Variants in TPRG1 observed in about 807,000 individuals in gnomAD.
TPRG1 encodes tumor protein p63-regulated gene 1 protein.
A neutral mutation model predicts 29.3 loss-of-function variants in TPRG1; 29 were observed. The observed-to-expected ratio is 0.99, with a 90% confidence interval of 0.74 to 1.35. The LOEUF is 1.35. Ranked by LOEUF, TPRG1 falls within the 40% of genes most tolerant of loss-of-function variation. The pLI is 0.00. For missense variants in TPRG1, 327 were observed against 335.0 expected, an observed-to-expected ratio of 0.98 and a Z score of 0.19; for synonymous variants, 130 against 116.8, an observed-to-expected ratio of 1.11 and a Z score of -0.73.
At chr3:189,037,263 A>G (rs1401126177) in intron 4 of TPRG1, among the ~76,000 whole-genome samples, 1 of 151,846 alleles carries the variant, frequency 6.6e-6, no homozygotes, top group Non-Finnish European at 1.5e-5. Context: ...ATCACACACT[A>G]AAATATTATT....
intron 3 of TPRG1, among the ~76,000 whole-genome samples, chr3:189,219,243 A>C (rs1218068069): frequency 6.6e-6 from 1 of 152,236 alleles, no homozygotes; most frequent in African/African-American, 2.4e-5. Flanking sequence ...TGGGCACATT[A>C]TTCAGTAAAA....
chr3:189,297,501 T>G (rs1720145770), intron 4 of TPRG1, among the ~76,000 whole-genome samples: 1 of 152,112 alleles, frequency 6.6e-6, no homozygotes, highest in Admixed American at 6.5e-5. Context: ...TCCCTCTGAC[T>G]ACTTGTTCTT....
intron 4 of TPRG1, among the ~76,000 whole-genome samples, chr3:189,025,652 AC>A (rs1441977736): frequency 2.0e-5 from 3 of 152,304 alleles, no homozygotes; most frequent in Middle Eastern, 6.8e-3. Flanking sequence ...CTAATGGTTG[AC>A]ATGTCCTCTG....
intron 1 of TPRG1, among the ~76,000 whole-genome samples, chr3:189,186,985 GTT>G (rs397875585): frequency 4.5e-5 from 4 of 88,948 alleles, no homozygotes; most frequent in Non-Finnish European, 6.3e-5. Context: ...CATCTAAAGT[GTT>G]TTTTTTTTTT....
Position 188,997,437 on chromosome 3 carries a change from A to C in TPRG1, c.-1015-3337A>C, listed in dbSNP as rs9877954. Among the ~76,000 whole-genome samples the C allele has an allele frequency of 4.8e-3, 738 of 152,268 alleles. 7 individuals carry two copies. Among genetic ancestry groups the C allele is most frequent in the African/African-American group, 0.017 (701 of 41,562 alleles). ...CAGAAAATCTTTCCTCAGATTTTTA[A>C]ATACATCAAACTCTGAGGAAAGCTA... is the stretch of plus-strand genomic sequence containing the variant. On this transcript the variant is annotated intron_variant, in intron 1 of 10. Coordinates refer to the TPRG1 transcript ENST00000433971.
chr3:189,157,004 C>A lies in TPRG1; in HGVS notation c.-10+6132C>A, dbSNP rs867859041. Among the ~76,000 whole-genome samples, 41 of 152,260 alleles carry A rather than the reference C, an allele frequency of 2.7e-4. 1 individual carries two copies. The South Asian group carries it at 4.8e-3, about 18-fold the overall frequency. ...TCCTCAGCCAGTGACAAAAGTCATA[C>A]TATTGTAGTCAAAGAAGCTATGCCA... On this transcript the variant is annotated intron_variant, in intron 5 of 6. Transcript: ENST00000412373.
intron 4 of TPRG1, among the ~76,000 whole-genome samples, chr3:189,031,081 G>A (rs1713907611): frequency 6.6e-6 from 1 of 152,136 alleles, no homozygotes; most frequent in Non-Finnish European, 1.5e-5. Flanking sequence ...AGCTGTTAGA[G>A]ACCAGCCTGG....
chr3:189,050,340 G>C (rs1715237010), intron 4 of TPRG1, among the ~76,000 whole-genome samples: 1 of 152,144 alleles, frequency 6.6e-6, no homozygotes, highest in Non-Finnish European at 1.5e-5. Context: ...ACCTAGAAGA[G>C]ATGGATAAAT....
intron 1 of TPRG1, among the ~76,000 whole-genome samples, chr3:189,124,540 T>TTGTGTG (rs139080058): frequency 7.3e-4 from 109 of 150,070 alleles, no homozygotes; most frequent in Middle Eastern, 6.8e-3. Context: ...ACAAAGGACT[T>TTGTGTG]TGTGTGTGTG....
intron 1 of TPRG1, among the ~76,000 whole-genome samples, chr3:189,183,294 T>G (rs1730483122): frequency 6.6e-6 from 1 of 152,000 alleles, no homozygotes; most frequent in Non-Finnish European, 1.5e-5. Context: ...TAGGTGTGGG[T>G]CACAGAGATC....
chr3:189,126,888 A>G (rs1722559480), intron 1 of TPRG1, among the ~76,000 whole-genome samples: 1 of 152,054 alleles, frequency 6.6e-6, no homozygotes, highest in African/African-American at 2.4e-5. Context: ...ATTGTGAAAT[A>G]ATTGCTAACC....
intron 4 of TPRG1, among the ~76,000 whole-genome samples, chr3:189,308,108 T>C (rs1333661689): frequency 6.6e-6 from 1 of 152,232 alleles, no homozygotes; most frequent in African/African-American, 2.4e-5. Flanking sequence ...AATGTCTCGA[T>C]ATAGAGATTC....
intron 5 of TPRG1, among the ~76,000 whole-genome samples, chr3:189,159,094 C>T (rs539467308): frequency 1.1e-4 from 16 of 152,264 alleles, no homozygotes; most frequent in African/African-American, 1.4e-4. Flanking sequence ...ATGTGCTCCT[C>T]TCACACCACA....
chr3:189,022,978 C>T (rs530042614), intron 3 of TPRG1, among the ~76,000 whole-genome samples: 85 of 152,010 alleles, frequency 5.6e-4, no homozygotes, highest in Non-Finnish European at 6.9e-4. Flanking sequence ...CGGGTGGGAG[C>T]GACCCGATTT....
rs372293456 is a variant in TPRG1 at position 189,195,238 on chromosome 3, A to G, written c.-9-12138A>G. Reference sequence around the variant, plus strand: ...CATGACCACTCTTGGTGGTCAAGGCACTGTTTCCTGGGATGAAGGGAACTA... The same window carrying G: ...CATGACCACTCTTGGTGGTCAAGGCGCTGTTTCCTGGGATGAAGGGAACTA... On this transcript the variant is annotated intron_variant, in intron 1 of 5. Transcript: ENST00000345063. 1.1e-4 allele frequency among the ~76,000 whole-genome samples: 16 copies of G among 152,204 alleles called. No individual in the cohort carries two copies. The East Asian group carries it at 2.7e-3, about 26-fold the overall frequency.
At chr3:189,192,135 A>G (rs1302172453) in intron 1 of TPRG1, among the ~76,000 whole-genome samples, 2 of 152,240 alleles carry the variant, frequency 1.3e-5, no homozygotes, top group East Asian at 3.8e-4. Context: ...CTGAGAGCAT[A>G]GAAAAATTGC....
intron 3 of TPRG1, among the ~76,000 whole-genome samples, chr3:189,136,009 T>A (rs909765001): frequency 6.6e-6 from 1 of 152,182 alleles, no homozygotes; most frequent in Non-Finnish European, 1.5e-5. Flanking sequence ...TATTATAATA[T>A]CTAAATTATA....
At chr3:189,274,790 T>C (rs953558663) in intron 4 of TPRG1, among the ~76,000 whole-genome samples, 3 of 152,174 alleles carry the variant, frequency 2.0e-5, no homozygotes, top group African/African-American at 7.2e-5. Flanking sequence ...AGATAATCAA[T>C]TAATTTTGAT....
chr3:189,042,872 C>T lies in TPRG1; in HGVS notation c.-463+18926C>T, dbSNP rs111664509. Among the ~76,000 whole-genome samples the T allele has an allele frequency of 9.8e-3, 1,488 of 152,164 alleles. 34 individuals are homozygous for T. Among genetic ancestry groups the T allele is most frequent in the African/African-American group, 0.034 (1,426 of 41,504 alleles). On this transcript the variant is annotated intron_variant, in intron 4 of 10. Transcript: ENST00000433971. The stretch of plus-strand genomic sequence containing the variant: ...AGGAAGAGCTACAAGCAGGAGGTTG[C>T]GTGGTGGCTCACCAGAAGAGCTGTC...
Sources: gnomAD v4.1 joint callset for allele counts (sites outside exome capture counted in the v4.1 genomes callset) on GRCh38, gnomAD v4.1.1 for gene constraint, MANE v1.5 for transcripts, NCBI Gene and HGNC (gene_info 2026-07-23, HGNC 2026-07-21) for gene names.